The following LPIN1 variants were observed in gnomAD, a reference collection of about 807,000 sequenced individuals.
LPIN1 encodes phosphatidate phosphatase LPIN1.
In LPIN1, 71 loss-of-function variants were observed where a neutral mutation model predicts 107.5. The observed-to-expected ratio is 0.66, with a 90% CI of 0.55 to 0.80. The LOEUF (loss-of-function observed/expected upper bound fraction) is 0.80. Among genes scored for constraint, LPIN1 ranks in the 30% least tolerant of loss-of-function variants. The pLI is 0.00. For missense variants in LPIN1, 1,043 were observed against 1,160.6 expected (o/e 0.90, Z 1.47); for synonymous variants, 445 against 452.6 (o/e 0.98, Z 0.21).
chr2:11,717,970 T>C (rs1663865053), intron 2 of LPIN1, among the ~76,000 whole-genome samples: 2 of 152,210 alleles, frequency 1.3e-5, no homozygotes, highest in South Asian at 4.1e-4. Context: ...TCCTTGCTTT[T>C]AGTGCCTTTA....
chr2:11,708,504 G>A (rs1000513643), intron 1 of LPIN1, among the ~76,000 whole-genome samples: 9 of 152,168 alleles, frequency 5.9e-5, no homozygotes, highest in Non-Finnish European at 1.2e-4. Context: ...AAGGGGGCAG[G>A]CAGGAGTGGA....
intron 19 of LPIN1, 121 bp downstream of exon 19, chr2:11,819,719 C>T: frequency 2.5e-6 from 2 of 810,938 alleles, no homozygotes; most frequent in Non-Finnish European, 4.4e-6. Context: ...GAAGCAGTAG[C>T]CTGGTGAAGA....
chr2:11,752,432 C>CTTTTTTTTTTTTTTTTTTTT (rs1354955148), intron 1 of LPIN1, among the ~76,000 whole-genome samples: 11 of 82,660 alleles, frequency 1.3e-4, no homozygotes, highest in African/African-American at 7.1e-4. Flanking sequence ...GTTCCAAGGC[C>CTTTTTTTTTTTTTTTTTTTT]ATTTTTTTTT....
chr2:11,699,853 G>T (rs940180142), intron 1 of LPIN1, among the ~76,000 whole-genome samples: 1 of 152,232 alleles, frequency 6.6e-6, no homozygotes, highest in Non-Finnish European at 1.5e-5. Context: ...CTGGGGGAGG[G>T]AGAGGAGCCG....
At chr2:11,775,212 G>A (rs1672472538) in intron 5 of LPIN1, among the ~76,000 whole-genome samples, 1 of 152,172 alleles carries the variant, frequency 6.6e-6, no homozygotes, top group East Asian at 1.9e-4. Context: ...TATTATATTG[G>A]ACAGTGCAGA....
upstream of LPIN1, among the ~76,000 whole-genome samples, chr2:11,743,513 G>A (rs73183192): frequency 0.055 from 8,297 of 152,218 alleles, 741 homozygotes; most frequent in African/African-American, 0.19. The surrounding 1 kb of genome is among the most constrained non-coding windows in gnomAD (Gnocchi z 4.7). Context: ...AGCGGCACCA[G>A]GTGGCCCCTG....
At position 11,765,947 on chromosome 2, in the gene LPIN1, G is replaced by A. The variant is rs1021311179; in HGVS notation, c.192+214G>A. 6.6e-6 allele frequency among the ~76,000 whole-genome samples: 1 copy of A among 152,236 alleles called. No individual in the cohort carries two copies. On this transcript the variant is annotated intron_variant, in intron 2 of 20. Transcript: ENST00000674199. The surrounding 1 kb of genome is among the most constrained non-coding windows in gnomAD (Gnocchi z 4.4). Reference sequence around the variant, plus strand: ...CGTGGCACACACCACTGTTTATTAAGCTCCTGTATCTGTGGGTCAGGAATT... The same window carrying A: ...CGTGGCACACACCACTGTTTATTAAACTCCTGTATCTGTGGGTCAGGAATT...
chr2:11,798,115 T>G (rs1572893542), intron 14 of LPIN1, among the ~76,000 whole-genome samples: 1 of 152,232 alleles, frequency 6.6e-6, no homozygotes. Flanking sequence ...AGAAGGCACC[T>G]GCTTTTCCTT....
intron 1 of LPIN1, among the ~76,000 whole-genome samples, chr2:11,702,056 G>C (rs1662900049): frequency 6.6e-6 from 1 of 152,180 alleles, no homozygotes; most frequent in South Asian, 2.1e-4. Context: ...ATTGGGTATG[G>C]GAAGACAGAC....
chr2:11,763,983 GTGTGTA>G (rs1156996148), intron 1 of LPIN1, among the ~76,000 whole-genome samples: 14 of 146,396 alleles, frequency 9.6e-5, no homozygotes, highest in African/African-American at 2.4e-4. Flanking sequence ...GTGTGTGTGT[GTGTGTA>G]TATATATATA....
intron 20 of LPIN1, 74 bp downstream of exon 20, chr2:11,820,588 G>T: frequency 1.8e-6 from 2 of 1,106,836 alleles, no homozygotes; most frequent in South Asian, 1.3e-5. Flanking sequence ...CCAGTTTGCG[G>T]TGTACCTTTT....
At chr2:11,730,006 T>C (rs1367147416) in intron 1 of LPIN1, among the ~76,000 whole-genome samples, 1 of 152,162 alleles carries the variant, frequency 6.6e-6, no homozygotes, top group African/African-American at 2.4e-5. Context: ...TTATTTTTAA[T>C]TTATTTAGGC....
intron 1 of LPIN1, among the ~76,000 whole-genome samples, chr2:11,736,593 A>T (rs1665815088): frequency 6.6e-6 from 1 of 152,256 alleles, no homozygotes; most frequent in Non-Finnish European, 1.5e-5. Context: ...AGTCAATAGC[A>T]GATGCATTTC....
chr2:11,765,474 T>G lies in LPIN1; in HGVS notation c.-9-59T>G, dbSNP rs951978869. On this transcript the variant is annotated intron_variant, in intron 1 of 20. Coordinates refer to ENST00000674199, the MANE Select transcript of LPIN1 (RefSeq NM_001349206.2). This position sits in a 1 kb window ranked among gnomAD's most constrained non-coding sequence, Gnocchi z 4.4. Reference sequence around the variant, plus strand: ...TGAAATGGTGAGGAGTTCATTTTGATTGGCTCTTCCTTGGATTAATTGTGT... The same window carrying G: ...TGAAATGGTGAGGAGTTCATTTTGAGTGGCTCTTCCTTGGATTAATTGTGT... The G allele has an allele frequency of 4.9e-5, 74 of 1,506,862 alleles. No individual in the cohort carries two copies. The highest frequency in any genetic ancestry group is 6.3e-5 in the Non-Finnish European group (69 of 1,101,724). The allele number at this position is 1,506,862 out of a possible 1,614,324, so 93.3% of individuals were successfully genotyped here.
rs576260666 is a variant in LPIN1, at chr2:11,783,759, C to G, written c.1265-70C>G. The G allele has an allele frequency of 2.7e-5, 35 of 1,280,998 alleles. No individual in the cohort carries two copies. The South Asian group carries it at 4.0e-4, about 15-fold the overall frequency. 79.4% of individuals were successfully genotyped at this position (1,280,998 alleles called of 1,614,324 possible). ...TGCACATAGTGTTTAAATGCTGTTT[C>G]TATAGATACAAGGCCATGAGCTCAT... is the stretch of plus-strand genomic sequence containing the variant. On this transcript the variant is annotated intron_variant, in intron 8 of 20. Transcript: ENST00000674199.
intron 15 of LPIN1, 125 bp from the exon 16 acceptor site, chr2:11,804,298 C>A: frequency 9.8e-7 from 1 of 1,018,250 alleles, no homozygotes; most frequent in Non-Finnish European, 1.5e-6. Flanking sequence ...AAGAATTATA[C>A]AAGGGCCCAG....
intron 2 of LPIN1, among the ~76,000 whole-genome samples, chr2:11,715,276 C>T (rs1253893043): frequency 2.6e-5 from 4 of 152,188 alleles, no homozygotes; most frequent in South Asian, 2.1e-4. Context: ...GCTTCTGGCC[C>T]CACGTGCAGG....
rs1267054356 is a variant in LPIN1 at position 11,707,499 on chromosome 2, G to A, written c.82-6257G>A. On this transcript the variant is annotated intron_variant, in intron 1 of 21. Coordinates refer to the LPIN1 transcript ENST00000449576. The surrounding 1 kb of genome is among the most constrained non-coding windows in gnomAD (Gnocchi z 4.2). ...CGGGGAGCACGGGAAGTTTTGAGCT[G>A]AGGAGTGGTGTGATCTAACATTCCA... 1.3e-5 allele frequency among the ~76,000 whole-genome samples: 2 copies of A among 152,232 alleles called. No individual in the cohort carries two copies. Among genetic ancestry groups the A allele is most frequent in the Non-Finnish European group, 2.9e-5 (2 of 68,042 alleles).
chr2:11,788,224 G>C (rs1206081500), intron 11 of LPIN1, among the ~76,000 whole-genome samples, 163 bp from the exon 12 acceptor site: 1 of 152,108 alleles, frequency 6.6e-6, no homozygotes, highest in African/African-American at 2.4e-5. Flanking sequence ...GGGAGCCTCT[G>C]CCTAGGGGTG....
Sources: gnomAD v4.1 joint callset for allele counts (sites outside exome capture counted in the v4.1 genomes callset) on GRCh38, gnomAD v4.1.1 for gene constraint, Gnocchi (gnomAD v3.1) non-coding constraint, MANE v1.5 for transcripts, NCBI Gene and HGNC (gene_info 2026-07-23, HGNC 2026-07-21) for gene names.